The following CLIP1 variants were observed in gnomAD, a reference collection of about 807,000 sequenced individuals.
The protein encoded by CLIP1 is CAP-Gly domain containing linker protein 1, also known as CAP-Gly domain-containing linker protein 1.
A neutral mutation model predicts 161.6 loss-of-function variants in CLIP1; 66 were observed. The ratio of observed to expected loss-of-function variants is 0.41; its 90% CI spans 0.33 to 0.50. The LOEUF (loss-of-function observed/expected upper bound fraction) is 0.50. Ranked by LOEUF, CLIP1 falls within the 20% of genes least tolerant of loss-of-function variation. The probability of loss-of-function intolerance (pLI) is 0.27; values close to 1 mark genes in which losing one functional copy is unlikely to be tolerated. For synonymous variants in CLIP1, 598 were observed against 626.2 expected (o/e 0.96, Z 0.67); for missense variants, 1,376 against 1,702.0 (o/e 0.81, Z 3.37).
At chr12:122,312,600 C>T (rs1030360887) in intron 19 of CLIP1, among the ~76,000 whole-genome samples, 2 of 152,088 alleles carry the variant, frequency 1.3e-5, no homozygotes, top group Non-Finnish European at 2.9e-5. Flanking sequence ...CCCATCTCTA[C>T]TAAAAATACA....
chr12:122,274,051 T>G lies in CLIP1; in HGVS notation c.4078A>C (p.Asn1360His). 6.2e-7 allele frequency: 1 copy of G among 1,613,878 alleles called. No homozygotes were observed. The highest frequency in any genetic ancestry group is 8.5e-7 in the Non-Finnish European group (1 of 1,179,870). The change falls in exon 25 of 26, where the codon AAC becomes CAC. Residue 1360 changes from asparagine to histidine, a missense_variant. By Grantham distance (68) the Asn-to-His change is moderately conservative. Transcript: ENST00000620786. ...CATATGAAATACCTGTCATAATTGT[T>G]TAGGTCATCCCCGTTCCCATTCAGG... Reference protein sequence around the residue: ...AALNGNGDDLNNYDSDDQEKQ... With the variant: ...AALNGNGDDLHNYDSDDQEKQ...
chr12:122,301,476 C>G (rs1361731775), intron 20 of CLIP1, among the ~76,000 whole-genome samples: 1 of 152,166 alleles, frequency 6.6e-6, no homozygotes, highest in Non-Finnish European at 1.5e-5. Flanking sequence ...GATTTTGAGA[C>G]AAGCCTGGCC....
intron 20 of CLIP1, among the ~76,000 whole-genome samples, chr12:122,290,874 T>A: frequency 6.6e-6 from 1 of 151,560 alleles, no homozygotes; most frequent in Admixed American, 6.6e-5. Context: ...TTTATTTTTT[T>A]TTATTTTTTT....
Position 122,316,767 on chromosome 12 carries a change from TC to T in CLIP1, c.3454del (p.Glu1152LysfsTer7). 6.4e-7 allele frequency: 1 copy of T among 1,564,208 alleles called. No homozygotes were observed. Among genetic ancestry groups the T allele is most frequent in the Non-Finnish European group, 8.6e-7 (1 of 1,157,396 alleles). On this transcript the variant is annotated frameshift_variant, in exon 19 of 26. Coordinates refer to ENST00000620786, the MANE Select transcript of CLIP1 (RefSeq NM_001247997.2). LOFTEE classifies it high-confidence loss of function. ...AACTTACATTTCTTTCCTAAATTCT[TC>T]CATTTTTTGATTCTCTACAGTCAGG... The part of the protein sequence containing the change: ...ELLTVENQKM[E>X]EFRKEIETLK...
chr12:122,356,976 C>G (rs553013887), intron 5 of CLIP1, among the ~76,000 whole-genome samples: 7 of 152,316 alleles, frequency 4.6e-5, no homozygotes, highest in South Asian at 4.1e-4. Flanking sequence ...GTAGCGTGAT[C>G]TCGGCTCGCT....
At chr12:122,357,659 G>T (rs996760449) in intron 5 of CLIP1, among the ~76,000 whole-genome samples, 1 of 148,590 alleles carries the variant, frequency 6.7e-6, no homozygotes, top group East Asian at 2.0e-4. Context: ...CCCTCTGCCC[G>T]GCCAGCCGCC....
chr12:122,372,455 G>T (rs1954501652), intron 3 of CLIP1, among the ~76,000 whole-genome samples: 1 of 151,532 alleles, frequency 6.6e-6, no homozygotes, highest in South Asian at 2.1e-4. Context: ...GGTGGTGGGT[G>T]CCTGTAATCC....
chr12:122,349,912 G>GT (rs200089520), intron 9 of CLIP1, among the ~76,000 whole-genome samples: 17,612 of 132,874 alleles, frequency 0.13, 1,431 homozygotes, highest in East Asian at 0.47. Flanking sequence ...TGTTTTTTTT[G>GT]TTTTTTTTTG....
At chr12:122,398,942 CAAAAAAAA>C (rs34091651) in intron 1 of CLIP1, among the ~76,000 whole-genome samples, 2 of 105,782 alleles carry the variant, frequency 1.9e-5, no homozygotes, top group Non-Finnish European at 3.7e-5. Context: ...ACCAGATATC[CAAAAAAAA>C]AAAAAAAAAA....
chr12:122,353,906 C>G (rs1023823406), intron 7 of CLIP1, among the ~76,000 whole-genome samples: 6 of 151,558 alleles, frequency 4.0e-5, no homozygotes, highest in Non-Finnish European at 8.8e-5. Flanking sequence ...GCTGGGATTA[C>G]AGGCGTGAGT....
intron 1 of CLIP1, among the ~76,000 whole-genome samples, chr12:122,394,604 T>C (rs776308723): frequency 4.1e-4 from 62 of 151,770 alleles, no homozygotes; most frequent in Non-Finnish European, 8.4e-4. Flanking sequence ...GACAATCCTT[T>C]AGGCCAGGCA....
At chr12:122,319,131 T>C in intron 18 of CLIP1, 101 bp downstream of exon 18, 1 of 786,498 alleles carries the variant, frequency 1.3e-6, no homozygotes, top group African/African-American at 1.7e-5. Context: ...CTGTGTAAAG[T>C]CACACACTTC....
At chr12:122,386,937 C>T (rs766085446) in intron 1 of CLIP1, among the ~76,000 whole-genome samples, 14 of 152,208 alleles carry the variant, frequency 9.2e-5, no homozygotes, top group Non-Finnish European at 1.8e-4. Flanking sequence ...GTTGCTCAAG[C>T]TGGAGTGCAG....
In CLIP1 at chr12:122,411,822, C is replaced by A. The variant is rs572582058; in HGVS notation, c.-107+10699G>T. 4.9e-4 allele frequency among the ~76,000 whole-genome samples: 74 copies of A among 151,088 alleles called. No individual in the cohort carries two copies. In the South Asian group the frequency reaches 0.015, roughly 30 times the overall value. ...GATACATGATTTCTTCTGGGGATGACAAAAATATATTAAAACTTACTTTTC... is the reference window on the plus strand; with the variant it reads ...GATACATGATTTCTTCTGGGGATGAAAAAAATATATTAAAACTTACTTTTC... On this transcript the variant is annotated intron_variant, in intron 1 of 25. Transcript: ENST00000620786.
At chr12:122,354,259 G>A (rs1953210072) in intron 7 of CLIP1, among the ~76,000 whole-genome samples, 194 bp downstream of exon 7, 1 of 152,068 alleles carries the variant, frequency 6.6e-6, no homozygotes, top group Non-Finnish European at 1.5e-5. Flanking sequence ...GCCAGGCGTG[G>A]TGGCACATTC....
chr12:122,419,800 G>A (rs189625143), intron 1 of CLIP1, among the ~76,000 whole-genome samples: 8 of 151,888 alleles, frequency 5.3e-5, no homozygotes, highest in East Asian at 1.9e-4. Context: ...GCCCGGTGCC[G>A]TGGTGTGTGC....
Position 122,361,201 on chromosome 12 carries a change from CA to C in CLIP1, c.783-21del. 1 of 1,562,014 alleles carries C rather than the reference CA, an allele frequency of 6.4e-7. No individual in the cohort carries two copies. Among genetic ancestry groups the C allele is most frequent in the Non-Finnish European group, 8.7e-7 (1 of 1,143,206 alleles). On this transcript the variant is annotated intron_variant, in intron 4 of 25. Coordinates refer to ENST00000620786, the MANE Select transcript of CLIP1 (RefSeq NM_001247997.2). ...AAATACCTTTAGAGAACAATAAGAA[CA>C]ATAACAAAAAACAACTTAATCACAA...
At chr12:122,292,914 A>G (rs1219051134) in intron 20 of CLIP1, among the ~76,000 whole-genome samples, 1 of 150,926 alleles carries the variant, frequency 6.6e-6, no homozygotes, top group African/African-American at 2.5e-5. Flanking sequence ...GAGGCAGGAG[A>G]ATGGCATGAA....
chr12:122,330,492 T>A (rs965216327), intron 15 of CLIP1, among the ~76,000 whole-genome samples: 2 of 151,912 alleles, frequency 1.3e-5, no homozygotes, highest in Admixed American at 6.6e-5. Context: ...GATTTTTATA[T>A]GACAGCTATT....
Sources: allele counts gnomAD v4.1 joint callset (sites outside exome capture counted in the v4.1 genomes callset), GRCh38; gene constraint gnomAD v4.1.1; transcripts MANE v1.5; gene names NCBI Gene and HGNC (gene_info 2026-07-23, HGNC 2026-07-21).